Variants in AGBL4 observed in about 807,000 individuals in gnomAD.
The protein encoded by AGBL4 is cytosolic carboxypeptidase 6.
Under a neutral mutation model 66.4 loss-of-function variants are expected in AGBL4, and 58 were observed. That is an observed-to-expected ratio of 0.87 (90% CI 0.71 to 1.09). The LOEUF is 1.09. Ranked by LOEUF, AGBL4 falls within the 50% of genes least tolerant of loss-of-function variation. AGBL4 has a pLI of 0.00. For missense variants in AGBL4, 579 were observed against 631.0 expected (o/e 0.92, Z 0.88); for synonymous variants, 234 against 222.9 (o/e 1.05, Z -0.44).
chr1:49,726,766 A>G (rs1421514645), intron 2 of AGBL4, among the ~76,000 whole-genome samples: 1 of 152,108 alleles, frequency 6.6e-6, no homozygotes, highest in African/African-American at 2.4e-5. Context: ...TGTTGCTTAT[A>G]TTTTCTCCCC....
At chr1:49,479,948 C>A (rs1646922650) in intron 3 of AGBL4, among the ~76,000 whole-genome samples, 1 of 151,786 alleles carries the variant, frequency 6.6e-6, no homozygotes, top group South Asian at 2.1e-4. Context: ...ACCTCGTGAT[C>A]CACCCGCCTC....
rs1570985819 is a variant in AGBL4 at position 48,912,972 on chromosome 1, G to C, written c.595-45742C>G. ...CTGAGGGTCAAGTAGGAGACAGCTA[G>C]GATAGGGTGAAAGGGGCAAGGAAAA... On this transcript the variant is annotated intron_variant, in intron 5 of 13. Coordinates refer to ENST00000371839, the MANE Select transcript of AGBL4 (RefSeq NM_032785.4). 2.0e-5 allele frequency among the ~76,000 whole-genome samples: 3 copies of C among 152,118 alleles called. No individual in the cohort carries two copies. The South Asian group carries it at 6.2e-4, about 32-fold the overall frequency.
At chr1:49,963,284 T>C (rs1657269558) in intron 1 of AGBL4, among the ~76,000 whole-genome samples, 1 of 152,092 alleles carries the variant, frequency 6.6e-6, no homozygotes, top group Non-Finnish European at 1.5e-5. Flanking sequence ...CTTCATCTTG[T>C]TAAGGATGCA....
chr1:48,732,808 G>A (rs1278467709), intron 6 of AGBL4, among the ~76,000 whole-genome samples: 1 of 152,144 alleles, frequency 6.6e-6, no homozygotes, highest in East Asian at 1.9e-4. Flanking sequence ...GAAGTGAGGA[G>A]AGAAGCTGAG....
intron 4 of AGBL4, among the ~76,000 whole-genome samples, chr1:49,171,793 G>A (rs1646743064): frequency 6.6e-6 from 1 of 152,124 alleles, no homozygotes; most frequent in Non-Finnish European, 1.5e-5. Flanking sequence ...TATACTACAT[G>A]TATATGATTA....
intron 5 of AGBL4, among the ~76,000 whole-genome samples, chr1:48,928,410 G>A (rs1046482358): frequency 6.6e-6 from 1 of 152,160 alleles, no homozygotes; most frequent in Non-Finnish European, 1.5e-5. Flanking sequence ...AAATAGTTGG[G>A]TCAGATGGAT....
chr1:49,524,958 G>A (rs1650542818), intron 3 of AGBL4, among the ~76,000 whole-genome samples: 1 of 152,048 alleles, frequency 6.6e-6, no homozygotes, highest in African/African-American at 2.4e-5. Context: ...TGGGCTTAGT[G>A]AAATCCGATT....
At position 48,559,866 on chromosome 1, in the gene AGBL4, C is replaced by T. The variant is rs372011269; in HGVS notation, c.1268-20128G>A. 2.0e-4 allele frequency among the ~76,000 whole-genome samples: 30 copies of T among 152,092 alleles called. 1 individual carries two copies. Among genetic ancestry groups the T allele is most frequent in the African/African-American group, 7.0e-4 (29 of 41,408 alleles). On this transcript the variant is annotated intron_variant, in intron 11 of 13. Coordinates refer to ENST00000371839, the MANE Select transcript of AGBL4 (RefSeq NM_032785.4). ...TTGGTTATAAATTCTGGGAGGGCAG[C>T]TTGGTATCCCTGTTGCCCCTCACAG...
chr1:48,812,794 G>C (rs973693154), intron 6 of AGBL4, among the ~76,000 whole-genome samples: 5 of 152,090 alleles, frequency 3.3e-5, no homozygotes, highest in Non-Finnish European at 7.4e-5. Flanking sequence ...AAAATGATGA[G>C]TTCATGTCCT....
chr1:48,685,611 G>A (rs1376174214), intron 6 of AGBL4, among the ~76,000 whole-genome samples: 3 of 152,070 alleles, frequency 2.0e-5, no homozygotes, highest in African/African-American at 7.2e-5. Flanking sequence ...GTCTATTGCT[G>A]CATCTTTGAA....
At chr1:48,667,072 G>A (rs1416277216) in intron 6 of AGBL4, among the ~76,000 whole-genome samples, 1 of 152,150 alleles carries the variant, frequency 6.6e-6, no homozygotes, top group East Asian at 1.9e-4. Flanking sequence ...GTGTCATATT[G>A]ACTTTTGGAG....
At chr1:48,987,138 A>T (rs1185098337) in intron 5 of AGBL4, among the ~76,000 whole-genome samples, 5 of 151,962 alleles carry the variant, frequency 3.3e-5, no homozygotes, top group African/African-American at 7.2e-5. Context: ...ATCCCCAAAG[A>T]AGGAAAAAAA....
At chr1:49,919,126 T>C (rs561928563) in intron 1 of AGBL4, among the ~76,000 whole-genome samples, 89 of 152,240 alleles carry the variant, frequency 5.8e-4, no homozygotes, top group South Asian at 5.4e-3. Flanking sequence ...ACAGCCAATA[T>C]CATACTCAAT....
At chr1:49,190,207 C>T (rs555255321) in intron 4 of AGBL4, among the ~76,000 whole-genome samples, 12 of 152,242 alleles carry the variant, frequency 7.9e-5, no homozygotes, top group East Asian at 7.7e-4. Flanking sequence ...AGTCTAAAGC[C>T]GCACACAAAG....
chr1:49,150,425 A>G (rs1010633173), intron 4 of AGBL4, among the ~76,000 whole-genome samples: 12 of 152,226 alleles, frequency 7.9e-5, no homozygotes, highest in African/African-American at 2.9e-4. Context: ...AAATTCTACT[A>G]TGTAAATGGA....
At chr1:49,693,673 G>A (rs960865736) in intron 3 of AGBL4, among the ~76,000 whole-genome samples, 2 of 151,528 alleles carry the variant, frequency 1.3e-5, no homozygotes, top group Admixed American at 1.3e-4. Context: ...ATTGCACATT[G>A]ACTATTTTTA....
chr1:49,267,777 T>C (rs1373070469), intron 3 of AGBL4, among the ~76,000 whole-genome samples: 3 of 152,076 alleles, frequency 2.0e-5, no homozygotes, highest in Admixed American at 2.0e-4. Context: ...ACAATCATGG[T>C]AGAAGGCAAA....
intron 3 of AGBL4, among the ~76,000 whole-genome samples, chr1:49,566,907 G>GAGGC (rs1644220164): frequency 6.6e-6 from 1 of 152,216 alleles, no homozygotes; most frequent in Non-Finnish European, 1.5e-5. Context: ...GGAGCCTACA[G>GAGGC]AGGCAGGCAG....
At chr1:49,974,282 T>C (rs566703961) in intron 1 of AGBL4, among the ~76,000 whole-genome samples, 1 of 152,112 alleles carries the variant, frequency 6.6e-6, no homozygotes, top group South Asian at 2.1e-4. Context: ...TATTAATAAA[T>C]AAAATATGTA....
Sources: gnomAD v4.1 joint callset for allele counts (sites outside exome capture counted in the v4.1 genomes callset) on GRCh38, gnomAD v4.1.1 for gene constraint, MANE v1.5 for transcripts, NCBI Gene and HGNC (gene_info 2026-07-23, HGNC 2026-07-21) for gene names.